Variants in NAV3 observed in about 807,000 individuals in gnomAD.
The protein encoded by NAV3 is neuron navigator 3, also known as pore membrane and/or filament interacting like protein 1.
A neutral mutation model predicts 244.7 loss-of-function variants in NAV3; 87 were observed. The ratio of observed to expected loss-of-function variants is 0.36; its 90% confidence interval spans 0.30 to 0.42. The LOEUF (loss-of-function observed/expected upper bound fraction) is 0.42, where lower values mean the gene tolerates loss of function less well. NAV3 is among the 20% of genes least tolerant of loss of function. The probability of loss-of-function intolerance (pLI) is 1.00; values close to 1 mark genes in which losing one functional copy is unlikely to be tolerated. For synonymous variants in NAV3, 1,126 were observed against 1,042.2 expected, an observed-to-expected ratio of 1.08 and a Z score of -1.55; for missense variants, 2,663 against 2,893.3, an observed-to-expected ratio of 0.92 and a Z score of 1.83.
At chr12:78,075,895 C>T (rs1198890433) in intron 12 of NAV3, among the ~76,000 whole-genome samples, 2 of 152,136 alleles carry the variant, frequency 1.3e-5, no homozygotes, top group Non-Finnish European at 2.9e-5. Context: ...GGTTCAAATC[C>T]AGTGGGAGAG....
intron 12 of NAV3, among the ~76,000 whole-genome samples, chr12:78,106,705 C>G (rs1229874007): frequency 2.0e-5 from 3 of 152,302 alleles, no homozygotes; most frequent in South Asian, 2.1e-4. Flanking sequence ...CTCCTCACAC[C>G]TGGCCCACTG....
intron 2 of NAV3, among the ~76,000 whole-genome samples, chr12:77,661,335 G>A (rs1361399855): frequency 2.0e-5 from 3 of 152,000 alleles, no homozygotes; most frequent in African/African-American, 4.8e-5. Flanking sequence ...GACTAATGAT[G>A]TTGAAAATGT....
chr12:77,705,044 C>G (rs1278052349), intron 2 of NAV3, among the ~76,000 whole-genome samples: 2 of 152,186 alleles, frequency 1.3e-5, no homozygotes, highest in African/African-American at 2.4e-5. Flanking sequence ...CTCATTTTAG[C>G]TCTGAGAGAA....
At chr12:78,146,539 T>A in intron 21 of NAV3, 147 bp downstream of exon 21, 1 of 295,784 alleles carries the variant, frequency 3.4e-6, no homozygotes, top group Non-Finnish European at 6.5e-6. Flanking sequence ...TGATAAATGG[T>A]CTTTGATATT....
At chr12:77,802,480 G>C (rs1196811313) in intron 2 of NAV3, among the ~76,000 whole-genome samples, 1 of 152,170 alleles carries the variant, frequency 6.6e-6, no homozygotes, top group African/African-American at 2.4e-5. Flanking sequence ...AGGAAGGAAA[G>C]ACAGACAATG....
intron 2 of NAV3, among the ~76,000 whole-genome samples, chr12:77,599,919 G>A (rs1489583074): frequency 6.6e-6 from 1 of 151,862 alleles, no homozygotes; most frequent in African/African-American, 2.4e-5. Flanking sequence ...CCAGTTTTTA[G>A]TCCAATCCTC....
chr12:77,684,209 T>G (rs2137126326), intron 2 of NAV3, among the ~76,000 whole-genome samples: 1 of 152,328 alleles, frequency 6.6e-6, no homozygotes, highest in East Asian at 1.9e-4. Context: ...TTTTTATGTG[T>G]TTATTGGCAT....
intron 2 of NAV3, chr12:77,775,994 T>A (rs1870335366): frequency 6.6e-6 from 1 of 152,240 alleles, no homozygotes; most frequent in Non-Finnish European, 1.5e-5. Context: ...AGATCAGCGT[T>A]CATGCCTTTG....
chr12:77,963,509 A>G (rs1362109184), intron 3 of NAV3, among the ~76,000 whole-genome samples: 1 of 152,208 alleles, frequency 6.6e-6, no homozygotes, highest in Non-Finnish European at 1.5e-5. Context: ...TTTTCTTGAA[A>G]GTCATGTTTA....
In NAV3 at chr12:78,212,799, A is replaced by G. The variant is rs374778623; in HGVS notation, c.*2282A>G. The G allele has an allele frequency of 1.3e-5, 2 of 152,654 alleles. No individual in the cohort carries two copies. Among genetic ancestry groups the G allele is most frequent in the African/African-American group, 4.8e-5 (2 of 41,474 alleles). The allele number at this position is 152,654 out of a possible 1,614,324, so 9.5% of individuals were successfully genotyped here. On this transcript the variant is annotated 3_prime_UTR_variant, in exon 40 of 40. Coordinates refer to ENST00000397909, the MANE Select transcript of NAV3 (RefSeq NM_001024383.2). ...ACATATCATGTAAATAGGCAGAAAC[A>G]GTGAAATAAATCATCTGAAAAGTTT...
At chr12:78,126,566 C>G (rs1031381960) in intron 16 of NAV3, among the ~76,000 whole-genome samples, 11 of 151,942 alleles carry the variant, frequency 7.2e-5, no homozygotes, top group Non-Finnish European at 1.5e-4. Context: ...CTTTTAAATA[C>G]CTAATTTATG....
At chr12:77,639,930 CA>C in intron 2 of NAV3, among the ~76,000 whole-genome samples, 1 of 152,114 alleles carries the variant, frequency 6.6e-6, no homozygotes, top group East Asian at 1.9e-4. Context: ...CCTGAGCTGT[CA>C]AAAGGGGGGC....
intron 9 of NAV3, among the ~76,000 whole-genome samples, chr12:78,043,054 G>T (rs1201067459): frequency 6.6e-6 from 1 of 151,942 alleles, no homozygotes; most frequent in East Asian, 1.9e-4. Context: ...TCTACATTAG[G>T]TATTTCCCCT....
At chr12:77,762,723 T>TTTG (rs5799344) in intron 2 of NAV3, among the ~76,000 whole-genome samples, 2,254 of 150,820 alleles carry the variant, frequency 0.015, 29 homozygotes, top group South Asian at 0.036. Flanking sequence ...TCATGGGTTT[T>TTTG]TTGTTGTTGT....
intron 31 of NAV3, 90 bp downstream of exon 31, chr12:78,185,788 A>G: frequency 1.8e-6 from 2 of 1,085,420 alleles, no homozygotes; most frequent in Non-Finnish European, 2.7e-6. Flanking sequence ...GATCTGGTAA[A>G]TATCCTACAA....
At position 77,784,646 on chromosome 12, in the gene NAV3, A is replaced by G. The variant is rs1467307947; in HGVS notation, c.73-155673A>G. Among the ~76,000 whole-genome samples the G allele has an allele frequency of 2.6e-5, 4 of 152,190 alleles. No individual in the cohort carries two copies. In the East Asian group the frequency reaches 7.7e-4, roughly 29 times the overall value. ...TGATTGTCATTCTGAATAACAGCAC[A>G]TCATGACTGGAGGATCAGATTATAC... On this transcript the variant is annotated intron_variant, in intron 2 of 8. Coordinates refer to the NAV3 transcript ENST00000550042.
chr12:77,784,112 T>A (rs1870796544), intron 2 of NAV3, among the ~76,000 whole-genome samples: 2 of 152,064 alleles, frequency 1.3e-5, no homozygotes. Flanking sequence ...GAGGAACAAA[T>A]AAGACTATGT....
At chr12:77,719,658 T>G (rs544973145) in intron 2 of NAV3, among the ~76,000 whole-genome samples, 1 of 152,240 alleles carries the variant, frequency 6.6e-6, no homozygotes, top group South Asian at 2.1e-4. Flanking sequence ...TTGGCCATGG[T>G]GTATGATCCT....
intron 1 of NAV3, among the ~76,000 whole-genome samples, chr12:77,929,611 T>C (rs1731743): frequency 0.12 from 18,154 of 151,932 alleles, 1,182 homozygotes; most frequent in South Asian, 0.2. Flanking sequence ...CAGACTCTTT[T>C]TATAACCTTA....
Sources: gnomAD v4.1 joint callset for allele counts (sites outside exome capture counted in the v4.1 genomes callset) on GRCh38, gnomAD v4.1.1 for gene constraint, MANE v1.5 for transcripts, NCBI Gene and HGNC (gene_info 2026-07-23, HGNC 2026-07-21) for gene names.